SLF2: variants seen among roughly 807,000 people sequenced by gnomAD.
SLF2 encodes SMC5/6 complex localization factor 2, also known as SMC5-SMC6 complex localization factor protein 2.
In SLF2, 68 loss-of-function variants were observed where a neutral mutation model predicts 124.3. That is an observed-to-expected ratio of 0.55 (90% CI 0.45 to 0.67). The LOEUF (loss-of-function observed/expected upper bound fraction) is 0.67. Among genes scored for constraint, SLF2 ranks in the 30% least tolerant of loss-of-function variants. The pLI, the probability that SLF2 is intolerant of heterozygous loss-of-function variation, is 0.00. For synonymous variants in SLF2, 480 were observed against 478.8 expected (o/e 1.00, Z -0.03); for missense variants, 1,246 against 1,373.7 (o/e 0.91, Z 1.47).
intron 2 of SLF2, 49 bp downstream of exon 2, chr10:100,916,091 A>G (rs772746232): frequency 5.5e-6 from 8 of 1,452,370 alleles, no homozygotes; most frequent in African/African-American, 1.4e-5. Flanking sequence ...GGGGGTGAGG[A>G]GAGAGACAGA....
chr10:100,939,329 G>A (rs1008724188), intron 11 of SLF2, among the ~76,000 whole-genome samples: 6 of 151,978 alleles, frequency 3.9e-5, no homozygotes, highest in African/African-American at 1.5e-4. Flanking sequence ...AAGTTGCAGC[G>A]AGTTCACCAC....
intron 11 of SLF2, among the ~76,000 whole-genome samples, chr10:100,940,313 G>A (rs921608815): frequency 2.0e-5 from 3 of 152,194 alleles, no homozygotes; most frequent in Non-Finnish European, 4.4e-5. Context: ...TGAGTGCTGT[G>A]TAACAAAATG....
chr10:100,926,196 C>G (rs1186452169), intron 6 of SLF2, 177 bp downstream of exon 6: 1 of 1,549,426 alleles, frequency 6.5e-7, no homozygotes, highest in South Asian at 1.2e-5. Context: ...CCTGTAATCA[C>G]AACACTTTGG....
Position 100,924,801 on chromosome 10 carries a change from T to C in SLF2, c.1800T>C (p.Asp600=). 1 of 1,614,110 alleles carries C rather than the reference T, an allele frequency of 6.2e-7. No homozygotes were observed. Among genetic ancestry groups the C allele is most frequent in the Non-Finnish European group, 8.5e-7 (1 of 1,180,026 alleles). ...SSALKRKLRG[D]FDSDEESLGY... Reference sequence around the variant, plus strand: ...CACTGAAAAGAAAACTAAGGGGTGATTTTGATAGTGATGAAGAAAGTTTAG... The same window carrying C: ...CACTGAAAAGAAAACTAAGGGGTGACTTTGATAGTGATGAAGAAAGTTTAG... The change falls in exon 5 of 20, where the codon GAT becomes GAC. Residue 600 remains aspartate (D), a synonymous_variant. Coordinates refer to ENST00000238961, the MANE Select transcript of SLF2 (RefSeq NM_018121.4).
chr10:100,921,742 C>A (rs1437294106), intron 4 of SLF2, among the ~76,000 whole-genome samples: 1 of 152,188 alleles, frequency 6.6e-6, no homozygotes, highest in African/African-American at 2.4e-5. Flanking sequence ...TATCTGACTT[C>A]TCTAGAAAAA....
chr10:100,956,961 C>T (rs1182388655), intron 18 of SLF2, among the ~76,000 whole-genome samples: 1 of 152,092 alleles, frequency 6.6e-6, no homozygotes, highest in Non-Finnish European at 1.5e-5. Flanking sequence ...AGAAATAGGA[C>T]TTTCTCTTTT....
chr10:100,929,343 A>G lies in SLF2; in HGVS notation c.2069A>G (p.Gln690Arg), dbSNP rs1039828066. The G allele has an allele frequency of 6.2e-7, 1 of 1,612,966 alleles. No individual in the cohort carries two copies. Among genetic ancestry groups the G allele is most frequent in the African/African-American group, 1.3e-5 (1 of 74,906 alleles). Residue 690 changes from glutamine to arginine, a missense_variant, in exon 7 of 20, where the codon CAA becomes CGA. By Grantham distance (43) the Gln-to-Arg change is conservative. Transcript: ENST00000238961. ...QRLDELQKQL[Q>R]EDIRQGRGIK... ...CTAGATGAACTGCAGAAGCAACTAC[A>G]AGAAGACATAAGGCAAGGCCGAGGC...
chr10:100,913,338 G>A (rs1162337671), intron 1 of SLF2, 88 bp downstream of exon 1: 1 of 1,381,522 alleles, frequency 7.2e-7, no homozygotes, highest in Non-Finnish European at 9.4e-7. Flanking sequence ...TCCAGTTCCC[G>A]CCATCCTCCG....
intron 17 of SLF2, among the ~76,000 whole-genome samples, chr10:100,952,630 T>C (rs2133823797): frequency 6.6e-6 from 1 of 151,936 alleles, no homozygotes; most frequent in South Asian, 2.1e-4. Context: ...TTTTTATAAA[T>C]GCTGTTGTAT....
At chr10:100,918,300 T>G in intron 3 of SLF2, 84 bp from the exon 4 acceptor site, 1 of 808,940 alleles carries the variant, frequency 1.2e-6, no homozygotes, top group Non-Finnish European at 2.0e-6. Flanking sequence ...AATCTAGAAA[T>G]CTGTGTTTAA....
At chr10:100,927,082 T>C (rs1589948399) in intron 6 of SLF2, among the ~76,000 whole-genome samples, 1 of 67,668 alleles carries the variant, frequency 1.5e-5, no homozygotes, top group South Asian at 4.9e-4. Context: ...ATTTTTTGTG[T>C]TTTTTTAATG....
At chr10:100,950,881 C>T (rs1266338519) in intron 17 of SLF2, 128 bp downstream of exon 17, 1 of 707,426 alleles carries the variant, frequency 1.4e-6, no homozygotes, top group Non-Finnish European at 2.4e-6. Flanking sequence ...ATTGATTTTG[C>T]TATAAGAATT....
Position 100,937,468 on chromosome 10 carries a change from A to G in SLF2, c.2503A>G (p.Ile835Val), listed in dbSNP as rs765795829. 3.8e-6 allele frequency: 6 copies of G among 1,582,420 alleles called. No individual in the cohort carries two copies. The highest frequency in any genetic ancestry group is 2.6e-6 in the Non-Finnish European group (3 of 1,151,248). Residue 835 changes from isoleucine (I) to valine (V), a missense_variant, in exon 10 of 20, where the codon ATT becomes GTT. This residue lies in a region of SLF2 where 535 missense variants were observed against 632.8 expected (regional missense o/e 0.85). Coordinates refer to ENST00000238961, the MANE Select transcript of SLF2 (RefSeq NM_018121.4). Reference protein sequence around the residue: ...QILSTLMEITIRNDTFSDSPV... With the variant: ...QILSTLMEITVRNDTFSDSPV... ...TTTAAGTACATTGATGGAAATAACA[A>G]TTAGAAATGGTAAGTATATCAACTT...
intron 7 of SLF2, 59 bp downstream of exon 7, chr10:100,929,498 G>C: frequency 6.9e-7 from 1 of 1,444,834 alleles, no homozygotes; most frequent in Non-Finnish European, 9.3e-7. Flanking sequence ...TTTTAGTTTT[G>C]TTTTTGTAAA....
In SLF2 at chr10:100,937,442, T is replaced by G; in HGVS notation, c.2477T>G (p.Ile826Ser). Reference sequence around the variant, plus strand: ...ACAGACTGTATTGTGTCAGTGCAGATTTTAAGTACATTGATGGAAATAACA... The same window carrying G: ...ACAGACTGTATTGTGTCAGTGCAGAGTTTAAGTACATTGATGGAAATAACA... ...VHTDCIVSVQ[I>S]LSTLMEITIR... Residue 826 changes from isoleucine to serine, a missense_variant, in exon 10 of 20, where the codon ATT (isoleucine) becomes AGT (serine). Ile to Ser is a moderately radical substitution (Grantham distance 142, BLOSUM62 -2). Transcript: ENST00000238961. The G allele has an allele frequency of 5.0e-6, 8 of 1,608,928 alleles. No homozygotes were observed. The highest frequency in any genetic ancestry group is 6.8e-6 in the Non-Finnish European group (8 of 1,175,458).
chr10:100,916,580 G>A lies in SLF2; in HGVS notation c.195G>A (p.Met65Ile). The A allele has an allele frequency of 7.2e-7, 1 of 1,387,766 alleles. No homozygotes were observed. The highest frequency in any genetic ancestry group is 9.4e-7 in the Non-Finnish European group (1 of 1,065,144). 86.0% of individuals were successfully genotyped at this position (1,387,766 alleles called of 1,614,324 possible). A position where few individuals can be genotyped will look rare whatever the true frequency, so the allele number is the denominator to read the frequency against. The stretch of plus-strand genomic sequence containing the variant: ...TAATTGGCTATTTAGACAGACACAT[G>A]TTGGATTCACCACAAAAATCAAACA... ...FKPASKQDRH[M>I]LDSPQKSNIK... Residue 65 changes from methionine (M) to isoleucine (I), a missense_variant, in exon 3 of 20, where the codon ATG becomes ATA. Physicochemically the swap from Met to Ile is conservative, Grantham distance 10. Transcript: ENST00000238961.
rs1227334520 is a variant in SLF2 at position 100,940,065 on chromosome 10, TACC to T, written c.2654+1332_2654+1334del. Reference sequence around the variant, plus strand: ...TCTTAAACACTTACATTTTAAAAGTTACCACAAGTTTCTGCATAATATAAACAT... The same window carrying T: ...TCTTAAACACTTACATTTTAAAAGTTACAAGTTTCTGCATAATATAAACAT... On this transcript the variant is annotated intron_variant, in intron 11 of 19. Coordinates refer to ENST00000238961, the MANE Select transcript of SLF2 (RefSeq NM_018121.4). 3.9e-5 allele frequency among the ~76,000 whole-genome samples: 6 copies of T among 152,368 alleles called. No individual in the cohort carries two copies. In the East Asian group the frequency reaches 5.8e-4, roughly 15 times the overall value.
At position 100,944,218 on chromosome 10, in the gene SLF2, G is replaced by A. The variant is rs538111518; in HGVS notation, c.2757+90G>A. On this transcript the variant is annotated intron_variant, in intron 12 of 19. Transcript: ENST00000238961. ...TTTTAAAAAAAAAAAAGTCTCGGCC[G>A]GGCGCGGTGGCTCACGCCTGTAATC... The A allele has an allele frequency of 2.7e-4, 228 of 829,580 alleles. 2 individuals carry two copies. In the African/African-American group the frequency reaches 3.7e-3, roughly 13 times the overall value. 51.4% of individuals were successfully genotyped at this position (829,580 alleles called of 1,614,324 possible). A position where few individuals can be genotyped will look rare whatever the true frequency, so the allele number is the denominator to read the frequency against.
At chr10:100,935,448 C>T (rs556311438) in intron 9 of SLF2, among the ~76,000 whole-genome samples, 42 of 150,968 alleles carry the variant, frequency 2.8e-4, no homozygotes, top group African/African-American at 9.5e-4. Flanking sequence ...AGCCTGTAAT[C>T]GCAGCACTTT....
Sources: allele counts gnomAD v4.1 joint callset (sites outside exome capture counted in the v4.1 genomes callset), GRCh38; gene constraint gnomAD v4.1.1; regional missense constraint gnomAD v4.1.1; transcripts MANE v1.5; gene names NCBI Gene and HGNC (gene_info 2026-07-23, HGNC 2026-07-21).